BARD1: variants seen among roughly 807,000 people sequenced by gnomAD.
The protein encoded by BARD1 is BRCA1 associated RING domain 1, also known as BRCA1-associated RING domain protein 1.
A neutral mutation model predicts 77.0 loss-of-function variants in BARD1; 73 were observed. That is an observed-to-expected ratio of 0.95 (90% CI 0.79 to 1.15). BARD1 has a LOEUF of 1.15. BARD1 is among the 50% of genes most tolerant of loss of function. BARD1 has a pLI of 0.00. For missense variants in BARD1, 993 were observed against 938.8 expected (o/e 1.06, Z -0.75); for synonymous variants, 384 against 338.0 (o/e 1.14, Z -1.49).
chr2:214,805,097 G>A (rs1696208491), intron 1 of BARD1, among the ~76,000 whole-genome samples: 1 of 151,808 alleles, frequency 6.6e-6, no homozygotes, highest in Non-Finnish European at 1.5e-5. Flanking sequence ...GCAGGCGGAG[G>A]TTGCAGTGAG....
At chr2:214,782,383 A>G (rs1254926379) in intron 3 of BARD1, among the ~76,000 whole-genome samples, 3 of 152,132 alleles carry the variant, frequency 2.0e-5, no homozygotes, top group Non-Finnish European at 4.4e-5. Context: ...AGGGAGCACA[A>G]GAGGGGCTTC....
At chr2:214,735,739 A>G (rs115089474) in intron 9 of BARD1, among the ~76,000 whole-genome samples, 228 of 152,236 alleles carry the variant, frequency 1.5e-3, no homozygotes, top group African/African-American at 5.2e-3. Context: ...GAATATGTCA[A>G]ATGCTTAAAA....
chr2:214,782,636 T>C (rs564535631), intron 3 of BARD1, among the ~76,000 whole-genome samples: 10 of 152,244 alleles, frequency 6.6e-5, no homozygotes, highest in African/African-American at 2.4e-4. Flanking sequence ...AAGTGCCAGA[T>C]TTTGTGAGAG....
intron 4 of BARD1, 122 bp downstream of exon 4, chr2:214,780,438 A>AAGTATCATG: frequency 2.3e-6 from 2 of 851,364 alleles, no homozygotes; most frequent in Middle Eastern, 6.1e-4. Context: ...GGTTCAGAGG[A>AAGTATCATG]AGTATCATGT....
Position 214,769,261 on chromosome 2 carries a change from C to T in BARD1, c.1366G>A (p.Val456Ile). 1 of 1,613,696 alleles carries T rather than the reference C, an allele frequency of 6.2e-7. No homozygotes were observed. The highest frequency in any genetic ancestry group is 8.5e-7 in the Non-Finnish European group (1 of 1,179,676). The stretch of plus-strand genomic sequence containing the variant: ...GGTGTCCATCCAGCATGGTCTTTAA[C>T]ATTTGGATCACTTCCATTTTGTAAA... ...YLLQNGSDPN[V>I]KDHAGWTPLH... The change falls in exon 5 of 11, where the codon GTT (valine) becomes ATT (isoleucine). Residue 456 changes from valine to isoleucine, a missense_variant. Val to Ile is a conservative substitution (Grantham distance 29). Coordinates refer to ENST00000260947, the MANE Select transcript of BARD1 (RefSeq NM_000465.4).
chr2:214,763,797 G>T (rs1312449992), intron 6 of BARD1, among the ~76,000 whole-genome samples: 2 of 152,166 alleles, frequency 1.3e-5, no homozygotes, highest in Non-Finnish European at 2.9e-5. Context: ...AGAGCTTCAG[G>T]AAGAAATAGA....
In BARD1 at chr2:214,751,103, GTGTGTGTGTGTGTGTATATATATATA is replaced by G. The variant is rs1251116673; in HGVS notation, c.1677+1318_1677+1343del. Among the ~76,000 whole-genome samples the G allele has an allele frequency of 9.0e-3, 159 of 17,580 alleles. 3 individuals carry two copies. Among genetic ancestry groups the G allele is most frequent in the Middle Eastern group, 0.024 (1 of 42 alleles). 11.5% of individuals were successfully genotyped at this position (17,580 alleles called of 152,430 possible). ...TCTGTGTGTGTGTGTGTGTGTGTGT[GTGTGTGTGTGTGTGTATATATATATA>G]TATATATATATATATATATATATTT... On this transcript the variant is annotated intron_variant, in intron 7 of 10. Coordinates refer to ENST00000260947, the MANE Select transcript of BARD1 (RefSeq NM_000465.4).
At chr2:214,789,648 C>T (rs1227395196) in intron 3 of BARD1, among the ~76,000 whole-genome samples, 3 of 152,050 alleles carry the variant, frequency 2.0e-5, no homozygotes, top group Admixed American at 2.0e-4. Context: ...ATAATGAATA[C>T]CTACACTTCG....
intron 9 of BARD1, among the ~76,000 whole-genome samples, chr2:214,739,995 T>C (rs1359818547): frequency 6.6e-6 from 1 of 152,072 alleles, no homozygotes; most frequent in Non-Finnish European, 1.5e-5. Flanking sequence ...CCTTGTATTA[T>C]GCATAATAAT....
Position 214,730,601 on chromosome 2 carries a change from C to T in BARD1, c.1904-93G>A, listed in dbSNP as rs866207461. 2.6e-5 allele frequency: 27 copies of T among 1,025,270 alleles called. 1 individual carries two copies. The Middle Eastern group carries it at 1.0e-3, about 39-fold the overall frequency. 63.5% of individuals were successfully genotyped at this position (1,025,270 alleles called of 1,614,324 possible). The stretch of plus-strand genomic sequence containing the variant: ...CAAGCAATTTACCTAAGTGGTTTTT[C>T]TTCTTCATGGCAGTTTTTAAGTATT... On this transcript the variant is annotated intron_variant, in intron 9 of 10. Coordinates refer to ENST00000260947, the MANE Select transcript of BARD1 (RefSeq NM_000465.4).
At chr2:214,808,500 A>G (rs1003687953) in intron 1 of BARD1, among the ~76,000 whole-genome samples, 1 of 151,956 alleles carries the variant, frequency 6.6e-6, no homozygotes, top group African/African-American at 2.4e-5. Flanking sequence ...AGGGGAAAAA[A>G]GTCCAAAAAG....
rs765858289 is a variant in BARD1 at position 214,780,935 on chromosome 2, A to C, written c.939T>G (p.Ser313=). 2 of 1,613,948 alleles carry C rather than the reference A, an allele frequency of 1.2e-6. No homozygotes were observed. Among genetic ancestry groups the C allele is most frequent in the Admixed American group, 1.7e-5 (1 of 59,966 alleles). ...GTTTTCCATTATTTTCTAATGGCAA[A>C]GATTTCTTAGATGTAAGATAATTTT... ...VCKNYLTSKK[S]LPLENNGKRG... Residue 313 remains serine, a synonymous_variant, in exon 4 of 11, where the codon TCT becomes TCG. Coordinates refer to ENST00000260947, the MANE Select transcript of BARD1 (RefSeq NM_000465.4).
intron 9 of BARD1, among the ~76,000 whole-genome samples, chr2:214,733,683 T>C (rs1692450985): frequency 6.6e-6 from 1 of 152,198 alleles, no homozygotes. Flanking sequence ...GTGCTTAATT[T>C]TAAATGAAAT....
chr2:214,796,907 T>C (rs967298919), intron 2 of BARD1, 154 bp downstream of exon 2: 1 of 678,554 alleles, frequency 1.5e-6, no homozygotes, highest in African/African-American at 1.8e-5. Flanking sequence ...AAGACACAGT[T>C]TTAAAGATCA....
intron 6 of BARD1, among the ~76,000 whole-genome samples, chr2:214,757,634 A>AG (rs1693757057): frequency 1.3e-5 from 2 of 149,594 alleles, no homozygotes; most frequent in Non-Finnish European, 1.5e-5. Flanking sequence ...ATAAACAAGT[A>AG]GGGGGAAAAG....
At chr2:214,800,530 C>T (rs113553270) in intron 1 of BARD1, among the ~76,000 whole-genome samples, 21 of 152,228 alleles carry the variant, frequency 1.4e-4, no homozygotes, top group African/African-American at 5.1e-4. Flanking sequence ...GCCTGGACAA[C>T]ACAACAAGAA....
At chr2:214,776,010 TTCTC>T (rs1694723162) in intron 4 of BARD1, among the ~76,000 whole-genome samples, 1 of 152,194 alleles carries the variant, frequency 6.6e-6, no homozygotes, top group Admixed American at 6.5e-5. Flanking sequence ...ACAAGGGATC[TTCTC>T]TCTCTCCAGG....
chr2:214,778,779 T>C (rs1694847422), intron 4 of BARD1, among the ~76,000 whole-genome samples: 1 of 152,168 alleles, frequency 6.6e-6, no homozygotes, highest in African/African-American at 2.4e-5. Context: ...ACTGCACCTT[T>C]AAGAAAGAAC....
chr2:214,799,227 G>A (rs1390503303), intron 1 of BARD1, among the ~76,000 whole-genome samples: 1 of 152,166 alleles, frequency 6.6e-6, no homozygotes, highest in African/African-American at 2.4e-5. Flanking sequence ...CTTGAACCCA[G>A]GAGGCACAGG....
Sources: gnomAD v4.1 joint callset for allele counts (sites outside exome capture counted in the v4.1 genomes callset) on GRCh38, gnomAD v4.1.1 for gene constraint, MANE v1.5 for transcripts, NCBI Gene and HGNC (gene_info 2026-07-23, HGNC 2026-07-21) for gene names.